Variants in CAPN15 observed in about 807,000 individuals in gnomAD.
CAPN15 encodes calpain-15.
A neutral mutation model predicts 97.9 loss-of-function variants in CAPN15; 53 were observed. The ratio of observed to expected loss-of-function variants is 0.54; its 90% CI spans 0.43 to 0.68. The LOEUF is 0.68. CAPN15 is among the 30% of genes least tolerant of loss of function. The pLI is 0.00. For missense variants in CAPN15, 1,592 were observed against 1,589.8 expected (o/e 1.00, Z -0.02); for synonymous variants, 922 against 722.5 (o/e 1.28, Z -4.43).
Position 552,561 on chromosome 16 carries a change from C to T in CAPN15, c.2737+31C>T, listed in dbSNP as rs1307373688. 4 of 1,572,588 alleles carry T rather than the reference C, an allele frequency of 2.5e-6. No individual in the cohort carries two copies. Among genetic ancestry groups the T allele is most frequent in the South Asian group, 2.3e-5 (2 of 88,334 alleles). On this transcript the variant is annotated intron_variant, in intron 11 of 13. Coordinates refer to ENST00000219611, the MANE Select transcript of CAPN15 (RefSeq NM_005632.3). This position sits in a 1 kb window ranked among gnomAD's most constrained non-coding sequence, Gnocchi z 6.4. ...TGGCCCCTACCCCAGGCTCATGCCCCAGGCCCACGGGGAGGGCTGCGGTTC... is the reference window on the plus strand; with the variant it reads ...TGGCCCCTACCCCAGGCTCATGCCCTAGGCCCACGGGGAGGGCTGCGGTTC...
chr16:550,927 CCTT>C (rs2034990613), intron 7 of CAPN15, among the ~76,000 whole-genome samples: 2 of 126,720 alleles, frequency 1.6e-5, no homozygotes, highest in Admixed American at 7.3e-5. Context: ...GTGAGGGTCC[CCTT>C]TCGGTGAGGG....
chr16:532,114 C>A (rs1435161204), intron 1 of CAPN15, among the ~76,000 whole-genome samples: 4 of 151,624 alleles, frequency 2.6e-5, no homozygotes, highest in Non-Finnish European at 4.4e-5. Flanking sequence ...GTGGTGTGTG[C>A]CTGTAATCCC....
chr16:550,560 G>C (rs779539396), intron 7 of CAPN15, among the ~76,000 whole-genome samples: 1 of 152,246 alleles, frequency 6.6e-6, no homozygotes, highest in Non-Finnish European at 1.5e-5. Context: ...CCCGGTCAGT[G>C]AGGGCCCCGC....
Position 551,334 on chromosome 16 carries a change from A to G in CAPN15, c.2099A>G (p.Asn700Ser). The change falls in exon 8 of 14, where the codon AAC becomes AGC. Residue 700 changes from asparagine (N) to serine (S), a missense_variant. Around this residue, in one of 3 missense-constraint regions of CAPN15, gnomAD observed 644 missense variants for 699.6 expected, o/e 0.92. Coordinates refer to ENST00000219611, the MANE Select transcript of CAPN15 (RefSeq NM_005632.3). ...ATGGGTGCCTCCTGTGGCGGGGGCA[A>G]CATGAAGGTGGACGATTCGGCCTAC... ...FLMGASCGGGNMKVDDSAYES... is the reference protein window; with the variant it reads ...FLMGASCGGGSMKVDDSAYES... The G allele has an allele frequency of 6.2e-7, 1 of 1,606,514 alleles. No individual in the cohort carries two copies. Among genetic ancestry groups the G allele is most frequent in the Non-Finnish European group, 8.5e-7 (1 of 1,176,956 alleles).
rs765855773 is a variant in CAPN15 at position 549,225 on chromosome 16, G to A, written c.1658+24G>A. 1.2e-5 allele frequency: 19 copies of A among 1,542,764 alleles called. No homozygotes were observed. In the African/African-American group the frequency reaches 2.6e-4, roughly 21 times the overall value. On this transcript the variant is annotated intron_variant, in intron 5 of 13. Transcript: ENST00000219611. Reference sequence around the variant, plus strand: ...TGGTGAGGCCTTCTCCAAGGCCGGGGTGGGGCGGGTGGGCGGGCGACCGGC... The same window carrying A: ...TGGTGAGGCCTTCTCCAAGGCCGGGATGGGGCGGGTGGGCGGGCGACCGGC...
At chr16:546,442 G>C (rs743967) in intron 3 of CAPN15, among the ~76,000 whole-genome samples, 27,990 of 152,072 alleles carry the variant, frequency 0.18, 3,875 homozygotes, top group African/African-American at 0.39. Flanking sequence ...CTGAGCACCT[G>C]TTCTTCCACG....
rs1248018195 is a variant in CAPN15 at position 554,039 on chromosome 16, C to T, written c.*523C>T. 3 of 179,216 alleles carry T rather than the reference C, an allele frequency of 1.7e-5. No homozygotes were observed. The highest frequency in any genetic ancestry group is 3.5e-5 in the Non-Finnish European group (3 of 85,030). The allele number at this position is 179,216 out of a possible 1,614,324, so 11.1% of individuals were successfully genotyped here. A position where few individuals can be genotyped will look rare whatever the true frequency, so the allele number is the denominator to read the frequency against. On this transcript the variant is annotated 3_prime_UTR_variant, in exon 14 of 14. Coordinates refer to ENST00000219611, the MANE Select transcript of CAPN15 (RefSeq NM_005632.3). ...GGAGCGGCGAGTCCCGGGGCGGTGC[C>T]TGTCTCAGAAGAAGGGGCCCTTGGC... is the stretch of plus-strand genomic sequence containing the variant.
At position 547,437 on chromosome 16, in the gene CAPN15, C is replaced by T. The variant is rs770941673; in HGVS notation, c.599C>T (p.Pro200Leu). The stretch of plus-strand genomic sequence containing the variant: ...GGCTTCCACGTCGTGCCTGCCGCGC[C>T]TCCACCTGGCCTCCCCGGGGAAGGT... ...PAGFHVVPAA[P>L]PPGLPGEGAE... is the part of the protein sequence containing the mutation. The change falls in exon 4 of 14, where the codon CCT (proline) becomes CTT (leucine). Residue 200 changes from proline (P) to leucine (L), a missense_variant. Coordinates refer to ENST00000219611, the MANE Select transcript of CAPN15 (RefSeq NM_005632.3). The T allele has an allele frequency of 2.5e-6, 4 of 1,585,560 alleles. No individual in the cohort carries two copies. The highest frequency in any genetic ancestry group is 3.4e-6 in the Non-Finnish European group (4 of 1,173,328).
At chr16:551,856 C>A (rs115229853) in intron 9 of CAPN15, 192 bp downstream of exon 9, 1 of 979,380 alleles carries the variant, frequency 1.0e-6, no homozygotes, top group South Asian at 1.4e-5. Context: ...CAGATTCCAG[C>A]GCCCTGAAGA....
intron 1 of CAPN15, among the ~76,000 whole-genome samples, chr16:532,184 T>G (rs1191964970): frequency 1.7e-4 from 21 of 123,244 alleles, no homozygotes; most frequent in East Asian, 4.8e-4. Flanking sequence ...AGGTTGCAGT[T>G]AGCCGGGATG....
chr16:538,330 T>A (rs545463679), intron 3 of CAPN15: 1 of 151,914 alleles, frequency 6.6e-6, no homozygotes, highest in Non-Finnish European at 1.5e-5. Context: ...CATTTAAAAA[T>A]GTAAAAGCCA....
chr16:536,221 A>C, intron 3 of CAPN15, 79 bp downstream of exon 3: 1 of 312,488 alleles, frequency 3.2e-6, no homozygotes, highest in Non-Finnish European at 4.7e-6. Flanking sequence ...TGGACATGAT[A>C]ACCCCCCTGC....
At chr16:542,910 G>T (rs1047382032) in intron 3 of CAPN15, among the ~76,000 whole-genome samples, 1 of 152,172 alleles carries the variant, frequency 6.6e-6, no homozygotes, top group Non-Finnish European at 1.5e-5. Flanking sequence ...AATTAGCTGG[G>T]CGTGGTGACG....
At chr16:550,827 GCCCCGTCGGTGATGGC>G (rs2034974177) in intron 7 of CAPN15, among the ~76,000 whole-genome samples, 1 of 18,794 alleles carries the variant, frequency 5.3e-5, no homozygotes, top group Non-Finnish European at 9.1e-5. Flanking sequence ...CGGTGAGGGT[GCCCCGTCGGTGATGGC>G]CCCGGTCGGT....
intron 3 of CAPN15, among the ~76,000 whole-genome samples, chr16:545,138 G>C (rs1055118293): frequency 6.6e-6 from 1 of 151,974 alleles, no homozygotes; most frequent in Non-Finnish European, 1.5e-5. Context: ...AGCCGTGCGC[G>C]AGCCACTGCA....
At chr16:532,130 C>G (rs1333871119) in intron 1 of CAPN15, among the ~76,000 whole-genome samples, 1 of 146,194 alleles carries the variant, frequency 6.8e-6, no homozygotes, top group Non-Finnish European at 1.5e-5. Flanking sequence ...ATCCCAGATA[C>G]TCAGGAGGCT....
intron 3 of CAPN15, chr16:537,508 C>T (rs1334541933): frequency 2.2e-6 from 2 of 925,408 alleles, no homozygotes; most frequent in Non-Finnish European, 2.6e-6. Flanking sequence ...TCACACAGAA[C>T]GGGCAGGGCT....
chr16:554,278 G>A lies in CAPN15; in HGVS notation c.*762G>A, dbSNP rs1004722793. On this transcript the variant is annotated 3_prime_UTR_variant, in exon 14 of 14. Coordinates refer to ENST00000219611, the MANE Select transcript of CAPN15 (RefSeq NM_005632.3). ...GGACCCCAGCACATCGTGGGCACGG[G>A]CAGGGCTCAGCCGCTCCCACCTCCC... The A allele has an allele frequency of 3.8e-4, 132 of 343,628 alleles. 1 individual carries two copies. Among genetic ancestry groups the A allele is most frequent in the Non-Finnish European group, 4.5e-4 (79 of 174,180 alleles). 21.3% of individuals were successfully genotyped at this position (343,628 alleles called of 1,614,324 possible).
At chr16:551,138 C>CCCCGGTCGGTGAGGGCG (rs2035033227) in intron 7 of CAPN15, among the ~76,000 whole-genome samples, 164 bp from the exon 8 acceptor site, 1 of 42,832 alleles carries the variant, frequency 2.3e-5, no homozygotes, top group Non-Finnish European at 4.3e-5. Flanking sequence ...TTGGTGAGGG[C>CCCCGGTCGGTGAGGGCG]CCCGGTCGGT....
Sources: gnomAD v4.1 joint callset for allele counts (sites outside exome capture counted in the v4.1 genomes callset) on GRCh38, gnomAD v4.1.1 for gene constraint, gnomAD v4.1.1 regional missense constraint, Gnocchi (gnomAD v3.1) non-coding constraint, MANE v1.5 for transcripts, NCBI Gene and HGNC (gene_info 2026-07-23, HGNC 2026-07-21) for gene names.